LRP1B: variants seen among roughly 807,000 people sequenced by gnomAD.
The protein encoded by LRP1B is LDL receptor related protein 1B.
A neutral mutation model predicts 556.6 loss-of-function variants in LRP1B; 217 were observed. That is an observed-to-expected ratio of 0.39 (90% CI 0.35 to 0.44). The LOEUF (loss-of-function observed/expected upper bound fraction) is 0.44. Among genes scored for constraint, LRP1B ranks in the 20% least tolerant of loss-of-function variants. The pLI is 1.00. For missense variants in LRP1B, 5,053 were observed against 5,620.8 expected, an observed-to-expected ratio of 0.90 and a Z score of 3.23; for synonymous variants, 2,047 against 1,865.8, an observed-to-expected ratio of 1.10 and a Z score of -2.50.
intron 2 of LRP1B, among the ~76,000 whole-genome samples, chr2:141,490,326 G>C (rs1241978356): frequency 6.7e-6 from 1 of 149,356 alleles, no homozygotes; most frequent in Non-Finnish European, 1.5e-5. Flanking sequence ...TTTACTGAAG[G>C]GTTTTAGATC....
At chr2:140,609,277 G>A (rs1682983761) in intron 41 of LRP1B, among the ~76,000 whole-genome samples, 1 of 152,090 alleles carries the variant, frequency 6.6e-6, no homozygotes, top group Non-Finnish European at 1.5e-5. Flanking sequence ...GTGAGAAAGT[G>A]AAATAAATCT....
intron 2 of LRP1B, among the ~76,000 whole-genome samples, chr2:141,605,256 A>C (rs1434503153): frequency 6.6e-6 from 1 of 152,182 alleles, no homozygotes; most frequent in Non-Finnish European, 1.5e-5. Flanking sequence ...TATAAAAAAC[A>C]AAAGGAAGAA....
intron 41 of LRP1B, among the ~76,000 whole-genome samples, chr2:140,679,505 T>A (rs938876538): frequency 7.9e-5 from 12 of 152,298 alleles, no homozygotes; most frequent in Non-Finnish European, 1.5e-4. Context: ...AATACTAATA[T>A]TCATTGTTTT....
chr2:140,776,042 A>G (rs192772038), intron 33 of LRP1B, 56 bp downstream of exon 33: 12 of 1,369,280 alleles, frequency 8.8e-6, no homozygotes, highest in East Asian at 2.7e-5. Context: ...GAGCTAATAT[A>G]AAAAAGAGCA....
chr2:140,942,712 ATT>A (rs34633985), intron 20 of LRP1B, among the ~76,000 whole-genome samples: 1 of 151,644 alleles, frequency 6.6e-6, no homozygotes, highest in Non-Finnish European at 1.5e-5. Context: ...GGAGAAATAA[ATT>A]TTTTTTCCAG....
intron 41 of LRP1B, among the ~76,000 whole-genome samples, chr2:140,609,621 C>T (rs1463118566): frequency 3.3e-5 from 5 of 152,156 alleles, no homozygotes; most frequent in African/African-American, 7.2e-5. Flanking sequence ...TATCCAGTTA[C>T]TCAGACTGGA....
At chr2:140,558,843 G>T (rs774030678) in intron 43 of LRP1B, among the ~76,000 whole-genome samples, 7 of 151,832 alleles carry the variant, frequency 4.6e-5, no homozygotes, top group Non-Finnish European at 8.8e-5. Context: ...GGCTGAGGTG[G>T]GAGGATAGCT....
At chr2:141,960,057 GAAACGTGACA>G (rs1361982704) in intron 1 of LRP1B, among the ~76,000 whole-genome samples, 2 of 151,868 alleles carry the variant, frequency 1.3e-5, no homozygotes. Flanking sequence ...AACAAAAGTT[GAAACGTGACA>G]AATGCAGTGA....
chr2:141,979,114 C>T (rs1297387075), intron 1 of LRP1B, among the ~76,000 whole-genome samples: 1 of 151,994 alleles, frequency 6.6e-6, no homozygotes, highest in Admixed American at 6.6e-5. Flanking sequence ...CTTAAATCTA[C>T]TTGCTATGAA....
At chr2:141,310,541 T>C (rs1395011331) in intron 3 of LRP1B, among the ~76,000 whole-genome samples, 1 of 152,114 alleles carries the variant, frequency 6.6e-6, no homozygotes, top group African/African-American at 2.4e-5. Context: ...CACCTAGAGA[T>C]CATAACCTAA....
chr2:140,941,070 C>T (rs1479825465), intron 20 of LRP1B, among the ~76,000 whole-genome samples: 1 of 151,944 alleles, frequency 6.6e-6, no homozygotes, highest in Non-Finnish European at 1.5e-5. Flanking sequence ...TTTCTGAAGA[C>T]ACATCTTCCT....
intron 1 of LRP1B, among the ~76,000 whole-genome samples, chr2:142,044,404 G>A (rs1270095160): frequency 1.3e-5 from 2 of 151,642 alleles, no homozygotes; most frequent in East Asian, 1.9e-4. Flanking sequence ...CCAATCCACC[G>A]ATATAAATCA....
chr2:140,366,290 G>C (rs1164692262), intron 71 of LRP1B, among the ~76,000 whole-genome samples: 1 of 151,726 alleles, frequency 6.6e-6, no homozygotes, highest in African/African-American at 2.4e-5. Context: ...TGGCAAAGGA[G>C]AGTGAGCACA....
intron 31 of LRP1B, among the ~76,000 whole-genome samples, chr2:140,827,965 T>C (rs761811837): frequency 1.1e-4 from 11 of 98,052 alleles, no homozygotes; most frequent in African/African-American, 3.1e-4. Flanking sequence ...TGGGGTGACA[T>C]AGTTAAATTA....
At chr2:140,693,013 TA>T (rs1427082428) in intron 41 of LRP1B, among the ~76,000 whole-genome samples, 1 of 152,192 alleles carries the variant, frequency 6.6e-6, no homozygotes, top group Non-Finnish European at 1.5e-5. Flanking sequence ...TATAATTCAT[TA>T]AATTCATTAT....
chr2:141,669,786 ACT>A (rs1260113479), intron 2 of LRP1B, among the ~76,000 whole-genome samples: 1 of 151,560 alleles, frequency 6.6e-6, no homozygotes, highest in Non-Finnish European at 1.5e-5. Flanking sequence ...ACAGAGTCTC[ACT>A]CTGTCTTCCA....
chr2:141,526,680 A>G (rs1440473864), intron 2 of LRP1B, among the ~76,000 whole-genome samples: 1 of 151,970 alleles, frequency 6.6e-6, no homozygotes, highest in Non-Finnish European at 1.5e-5. Flanking sequence ...GCATAAACCT[A>G]CTAGGAGTAT....
At chr2:141,986,559 T>G (rs557982405) in intron 1 of LRP1B, among the ~76,000 whole-genome samples, 1 of 152,106 alleles carries the variant, frequency 6.6e-6, no homozygotes, top group Non-Finnish European at 1.5e-5. Context: ...TATCATAGAT[T>G]TGTGAATCTC....
At chr2:141,039,011 C>T (rs1398652021) in intron 11 of LRP1B, among the ~76,000 whole-genome samples, 1 of 152,040 alleles carries the variant, frequency 6.6e-6, no homozygotes, top group Non-Finnish European at 1.5e-5. Context: ...TACTCTTTGT[C>T]AGCCACAGTC....
Sources: allele counts gnomAD v4.1 joint callset (sites outside exome capture counted in the v4.1 genomes callset), GRCh38; gene constraint gnomAD v4.1.1; transcripts MANE v1.5; gene names NCBI Gene and HGNC (gene_info 2026-07-23, HGNC 2026-07-21).